NR1I2: variants seen among roughly 807,000 people sequenced by gnomAD.
NR1I2 encodes the protein nuclear receptor subfamily 1 group I member 2, also known as orphan nuclear receptor PAR1.
Under a neutral mutation model 43.3 loss-of-function variants are expected in NR1I2, and 42 were observed. That is an observed-to-expected ratio of 0.97 (90% CI 0.76 to 1.26). NR1I2 has a LOEUF of 1.26. Among genes scored for constraint, NR1I2 ranks in the 50% most tolerant of loss-of-function variants. The pLI is 0.00. For synonymous variants in NR1I2, 229 were observed against 215.0 expected (o/e 1.06, Z -0.57); for missense variants, 559 against 566.7 (o/e 0.99, Z 0.14).
chr3:119,792,108 G>C (rs560507794), intron 1 of NR1I2: 1 of 766,688 alleles, frequency 1.3e-6, no homozygotes, highest in Non-Finnish European at 2.4e-6. Flanking sequence ...CATCCTCTTT[G>C]GGCCTGTCAC....
At chr3:119,782,793 G>T (rs761247544) in intron 1 of NR1I2, 39 of 1,614,170 alleles carry the variant, frequency 2.4e-5, no homozygotes, top group Non-Finnish European at 3.1e-5. Flanking sequence ...TCAAGGAGGG[G>T]TCCCTCAGAG....
chr3:119,787,481 TA>T lies in NR1I2; in HGVS notation c.-23+5184del, dbSNP rs1444854341. On this transcript the variant is annotated intron_variant, in intron 1 of 8. Transcript: ENST00000393716. ...AAGTTGTAATTTTGAAATCATTTTGTAAACAGCAAAACTTGTGCAAATGTGA... is the reference window on the plus strand; with the variant it reads ...AAGTTGTAATTTTGAAATCATTTTGTAACAGCAAAACTTGTGCAAATGTGA... Among the ~76,000 whole-genome samples the T allele has an allele frequency of 2.0e-5, 3 of 152,178 alleles. No individual in the cohort carries two copies. The East Asian group carries it at 5.8e-4, about 29-fold the overall frequency.
intron 1 of NR1I2, among the ~76,000 whole-genome samples, chr3:119,794,418 T>C (rs1194027894): frequency 6.6e-6 from 1 of 151,676 alleles, no homozygotes; most frequent in Non-Finnish European, 1.5e-5. Flanking sequence ...TGTCTCGAAC[T>C]CCTGGGCTCA....
chr3:119,786,795 C>T (rs762770527), intron 1 of NR1I2, among the ~76,000 whole-genome samples: 5 of 152,194 alleles, frequency 3.3e-5, no homozygotes, highest in African/African-American at 7.2e-5. Flanking sequence ...ATTCATAAAC[C>T]GTGACTTTGG....
intron 1 of NR1I2, among the ~76,000 whole-genome samples, chr3:119,787,054 G>A (rs996221527): frequency 6.6e-6 from 1 of 152,100 alleles, no homozygotes; most frequent in Admixed American, 6.6e-5. Flanking sequence ...TTGGGAGGCC[G>A]AGGCAGGTGG....
chr3:119,794,216 G>T (rs909557970), intron 1 of NR1I2, among the ~76,000 whole-genome samples: 2 of 150,576 alleles, frequency 1.3e-5, no homozygotes, highest in African/African-American at 2.4e-5. Context: ...GTTTTTTTTT[G>T]AGATAGAGTC....
chr3:119,792,529 C>G (rs543276473), intron 1 of NR1I2: 3 of 994,348 alleles, frequency 3.0e-6, no homozygotes, highest in Non-Finnish European at 4.7e-6. Context: ...CAGGGCAGTC[C>G]GTGCTCCTCC....
chr3:119,786,238 A>G (rs1477491615), intron 1 of NR1I2, among the ~76,000 whole-genome samples: 1 of 152,178 alleles, frequency 6.6e-6, no homozygotes, highest in Non-Finnish European at 1.5e-5. Context: ...CTGTTTGTTG[A>G]GCCATCAGAC....
intron 3 of NR1I2, 158 bp downstream of exon 3, chr3:119,810,352 C>T (rs998472886): frequency 2.3e-5 from 26 of 1,139,968 alleles, no homozygotes; most frequent in Admixed American, 7.9e-5. Context: ...CAGGCAGCCA[C>T]CTGGGGGAGC....
At chr3:119,814,451 G>A (rs1443409194) in intron 5 of NR1I2, among the ~76,000 whole-genome samples, 9 of 152,196 alleles carry the variant, frequency 5.9e-5, no homozygotes, top group Admixed American at 2.6e-4. Flanking sequence ...ACCCAACACC[G>A]ACAGCAGGAA....
intron 8 of NR1I2, 66 bp downstream of exon 8, chr3:119,815,897 C>T (rs2055321703): frequency 7.5e-7 from 1 of 1,339,926 alleles, no homozygotes; most frequent in Non-Finnish European, 1.0e-6. Context: ...AGGGAAATTG[C>T]CCAAGACTTC....
intron 1 of NR1I2, among the ~76,000 whole-genome samples, chr3:119,786,994 A>T (rs1049263544): frequency 1.3e-5 from 2 of 152,204 alleles, no homozygotes; most frequent in African/African-American, 4.8e-5. Context: ...AAGGGAAAAG[A>T]AAAGATGTTC....
Position 119,799,673 on chromosome 3 carries a change from G to A in NR1I2, c.-22-7556G>A, listed in dbSNP as rs936308411. On this transcript the variant is annotated intron_variant, in intron 1 of 8. Coordinates refer to ENST00000393716, the MANE Select transcript of NR1I2 (RefSeq NM_003889.4). ...TGACAATCTGTCTTACCAACCACCA[G>A]TAATATGCTTTATAAGGAAAACTAG... Among the ~76,000 whole-genome samples, 3 of 152,146 alleles carry A rather than the reference G, an allele frequency of 2.0e-5. No individual in the cohort carries two copies. In the South Asian group the frequency reaches 6.2e-4, roughly 32 times the overall value.
In NR1I2 at chr3:119,810,593, C is replaced by G. The variant is rs543414181; in HGVS notation, c.331+399C>G. On this transcript the variant is annotated intron_variant, in intron 3 of 8. Coordinates refer to ENST00000393716, the MANE Select transcript of NR1I2 (RefSeq NM_003889.4). Reference sequence around the variant, plus strand: ...CATGGGTGATAGGACCCGGGGCCTTCTAGGTGCTAGCCCCATCAGCTGCCC... The same window carrying G: ...CATGGGTGATAGGACCCGGGGCCTTGTAGGTGCTAGCCCCATCAGCTGCCC... 4.4e-4 allele frequency: 111 copies of G among 250,246 alleles called. 1 individual carries two copies. Among genetic ancestry groups the G allele is most frequent in the African/African-American group, 2.3e-3 (105 of 44,694 alleles). 15.5% of individuals were successfully genotyped at this position (250,246 alleles called of 1,614,324 possible).
At chr3:119,791,923 G>C in intron 1 of NR1I2, 1 of 653,428 alleles carries the variant, frequency 1.5e-6, no homozygotes, top group East Asian at 3.2e-5. Context: ...GCTGGGCACA[G>C]AACTGTCATC....
chr3:119,787,357 T>C (rs1266580576), intron 1 of NR1I2, among the ~76,000 whole-genome samples: 19 of 151,492 alleles, frequency 1.3e-4, no homozygotes, highest in African/African-American at 4.4e-4. Context: ...CCCAGTTTCC[T>C]CATTTGCAAA....
chr3:119,813,928 C>T (rs1483541137), intron 5 of NR1I2, among the ~76,000 whole-genome samples: 1 of 152,172 alleles, frequency 6.6e-6, no homozygotes, highest in African/African-American at 2.4e-5. Context: ...TCACTGCCAT[C>T]TTCATTCTCA....
intron 1 of NR1I2, chr3:119,782,767 A>T: frequency 1.9e-6 from 3 of 1,613,838 alleles, no homozygotes; most frequent in Non-Finnish European, 2.5e-6. Flanking sequence ...CATGACAGTC[A>T]CCAGGACTCA....
At chr3:119,792,431 G>C in intron 1 of NR1I2, 1 of 1,194,628 alleles carries the variant, frequency 8.4e-7, no homozygotes, top group Non-Finnish European at 1.2e-6. Flanking sequence ...CACTGCAGGG[G>C]ACGGCCTGAT....
Sources: allele counts gnomAD v4.1 joint callset (sites outside exome capture counted in the v4.1 genomes callset), GRCh38; gene constraint gnomAD v4.1.1; transcripts MANE v1.5; gene names NCBI Gene and HGNC (gene_info 2026-07-23, HGNC 2026-07-21).